Variants in PDSS2 observed in about 807,000 individuals in gnomAD.
The protein encoded by PDSS2 is all trans-polyprenyl-diphosphate synthase PDSS2.
A neutral mutation model predicts 44.5 loss-of-function variants in PDSS2; 31 were observed. The observed-to-expected ratio is 0.70, with a 90% CI of 0.52 to 0.94. The LOEUF is 0.94. Ranked by LOEUF, PDSS2 falls within the 40% of genes least tolerant of loss-of-function variation. The pLI is 0.00. For synonymous variants in PDSS2, 157 were observed against 180.3 expected (o/e 0.87, Z 1.03); for missense variants, 452 against 482.2 (o/e 0.94, Z 0.59).
At chr6:107,320,223 C>T (rs1033846604) in intron 2 of PDSS2, among the ~76,000 whole-genome samples, 4 of 152,060 alleles carry the variant, frequency 2.6e-5, no homozygotes, top group South Asian at 2.1e-4. Flanking sequence ...ACTTGTTTTG[C>T]GTCGCAGTTT....
chr6:107,270,084 A>G (rs1775547693), intron 3 of PDSS2, among the ~76,000 whole-genome samples: 1 of 152,138 alleles, frequency 6.6e-6, no homozygotes, highest in Non-Finnish European at 1.5e-5. Flanking sequence ...GAGAAAAGGC[A>G]CATACTGCTC....
At chr6:107,221,342 GAAAAAAAAAAA>G (rs59605783) in intron 4 of PDSS2, among the ~76,000 whole-genome samples, 2 of 70,224 alleles carry the variant, frequency 2.8e-5, no homozygotes, top group Admixed American at 2.1e-4. Flanking sequence ...ACTCCGTCTC[GAAAAAAAAAAA>G]AAAAAAAAAA....
chr6:107,239,558 G>T (rs369652248), intron 4 of PDSS2, among the ~76,000 whole-genome samples: 1 of 147,896 alleles, frequency 6.8e-6, no homozygotes. Context: ...CTGGGGAATG[G>T]TTTTATAAAA....
intron 3 of PDSS2, among the ~76,000 whole-genome samples, chr6:107,255,610 A>C (rs998807043): frequency 1.1e-4 from 17 of 152,022 alleles, no homozygotes; most frequent in Non-Finnish European, 2.2e-4. Flanking sequence ...AAAAAAAAAA[A>C]AAAACAAACA....
chr6:107,384,594 TC>T (rs1233020662), intron 1 of PDSS2, among the ~76,000 whole-genome samples: 1 of 150,508 alleles, frequency 6.6e-6, no homozygotes, highest in Admixed American at 6.6e-5. Context: ...TGAGTCGAGA[TC>T]ACGCTATTGC....
In PDSS2 at chr6:107,154,508, G is replaced by A; in HGVS notation, c.*111C>T. 1 of 984,708 alleles carries A rather than the reference G, an allele frequency of 1.0e-6. No individual in the cohort carries two copies. The highest frequency in any genetic ancestry group is 1.6e-6 in the Non-Finnish European group (1 of 627,698). 61.0% of individuals were successfully genotyped at this position (984,708 alleles called of 1,614,324 possible). On this transcript the variant is annotated 3_prime_UTR_variant, in exon 8 of 8. Transcript: ENST00000369037. ...TCATTTAGCAATGTGATAAAAGGAA[G>A]GAAAAATGCATATGTTTTAAAAGTC...
chr6:107,279,487 C>T (rs1775891421), intron 2 of PDSS2, among the ~76,000 whole-genome samples: 1 of 152,158 alleles, frequency 6.6e-6, no homozygotes, highest in Admixed American at 6.5e-5. Flanking sequence ...TAGTTTTAGC[C>T]TAATCAGGAA....
At chr6:107,287,708 G>A (rs1346463907) in intron 2 of PDSS2, among the ~76,000 whole-genome samples, 1 of 152,068 alleles carries the variant, frequency 6.6e-6, no homozygotes, top group African/African-American at 2.4e-5. Context: ...TTTTAGTAGA[G>A]ACAGGTTTTC....
chr6:107,366,715 A>C (rs1243904108), intron 1 of PDSS2, among the ~76,000 whole-genome samples: 1 of 152,008 alleles, frequency 6.6e-6, no homozygotes, highest in Non-Finnish European at 1.5e-5. Context: ...ATGCCAACAA[A>C]CCAGATGACT....
chr6:107,312,182 C>T (rs562219805), intron 2 of PDSS2, among the ~76,000 whole-genome samples: 1 of 152,310 alleles, frequency 6.6e-6, no homozygotes, highest in Non-Finnish European at 1.5e-5. Context: ...TCACTTTCTC[C>T]CTTCCTTGGT....
chr6:107,427,383 C>G (rs557298158), intron 1 of PDSS2, among the ~76,000 whole-genome samples: 1 of 152,254 alleles, frequency 6.6e-6, no homozygotes, highest in East Asian at 1.9e-4. Flanking sequence ...TCTTCCCAGT[C>G]TCGGGTATGT....
intron 1 of PDSS2, among the ~76,000 whole-genome samples, chr6:107,393,805 T>G (rs560404916): frequency 5.3e-5 from 8 of 152,338 alleles, no homozygotes; most frequent in African/African-American, 1.9e-4. Context: ...AAAGCCACAA[T>G]TTCTTTTGCA....
chr6:107,355,306 G>C (rs757050583), intron 1 of PDSS2, among the ~76,000 whole-genome samples: 1 of 152,104 alleles, frequency 6.6e-6, no homozygotes, highest in Admixed American at 6.5e-5. Context: ...TACAGAAAAT[G>C]GGTATGCATA....
chr6:107,459,176 G>A lies in PDSS2; in HGVS notation c.110C>T (p.Ser37Phe). 1 of 1,614,132 alleles carries A rather than the reference G, an allele frequency of 6.2e-7. No homozygotes were observed. Residue 37 changes from serine (S) to phenylalanine (F), a missense_variant, in exon 1 of 8, where the codon TCT (serine) becomes TTT (phenylalanine). Coordinates refer to ENST00000369037, the MANE Select transcript of PDSS2 (RefSeq NM_020381.4). This position sits in a 1 kb window ranked among gnomAD's most constrained non-coding sequence, Gnocchi z 4.3. ...GGACTTGGAGGACCGACCACGCCAA[G>A]AGCCCACCGAGGAGATGGTGTCGAG... ...PSLDTISSVG[S>F]WRGRSSKSPA...
chr6:107,359,846 T>A (rs1350658049), intron 1 of PDSS2, among the ~76,000 whole-genome samples: 2 of 152,076 alleles, frequency 1.3e-5, no homozygotes, highest in East Asian at 1.9e-4. Flanking sequence ...GAGATGGGGA[T>A]CTTTCATATT....
At chr6:107,174,788 T>C (rs1029858029) in intron 7 of PDSS2, among the ~76,000 whole-genome samples, 2 of 152,194 alleles carry the variant, frequency 1.3e-5, no homozygotes, top group Non-Finnish European at 2.9e-5. Flanking sequence ...TTCTCAATCA[T>C]ATGAGATTCA....
At chr6:107,325,956 T>C (rs1330751565) in intron 2 of PDSS2, among the ~76,000 whole-genome samples, 2 of 152,210 alleles carry the variant, frequency 1.3e-5, no homozygotes, top group African/African-American at 2.4e-5. Flanking sequence ...CATAAAGTCC[T>C]CCCTGCTCTG....
intron 4 of PDSS2, among the ~76,000 whole-genome samples, chr6:107,231,426 C>T (rs1165260837): frequency 6.6e-6 from 1 of 152,174 alleles, no homozygotes. Context: ...TGAACTCCTG[C>T]GCCCTTGCCC....
chr6:107,216,891 A>C (rs769229452), intron 4 of PDSS2, among the ~76,000 whole-genome samples: 1 of 152,194 alleles, frequency 6.6e-6, no homozygotes, highest in Non-Finnish European at 1.5e-5. Context: ...TTAGATAGAG[A>C]GACAGACTAG....
Sources: gnomAD v4.1 joint callset for allele counts (sites outside exome capture counted in the v4.1 genomes callset) on GRCh38, gnomAD v4.1.1 for gene constraint, Gnocchi (gnomAD v3.1) non-coding constraint, MANE v1.5 for transcripts, NCBI Gene and HGNC (gene_info 2026-07-23, HGNC 2026-07-21) for gene names.